The following TBX20 variants were observed in gnomAD, a reference collection of about 807,000 sequenced individuals.
The protein encoded by TBX20 is T-box transcription factor TBX20.
A neutral mutation model predicts 42.9 loss-of-function variants in TBX20; 8 were observed. The observed-to-expected ratio is 0.19, with a 90% CI of 0.11 to 0.34. The LOEUF is 0.34. TBX20 is among the 10% of genes least tolerant of loss of function. The pLI, the probability that TBX20 is intolerant of heterozygous loss-of-function variation, is 1.00. For synonymous variants in TBX20, 198 were observed against 222.8 expected (o/e 0.89, Z 0.99); for missense variants, 411 against 566.0 (o/e 0.73, Z 2.78).
intron 1 of TBX20, 150 bp from the exon 2 acceptor site, chr7:35,250,353 C>CCCT: frequency 1.0e-6 from 1 of 984,000 alleles, no homozygotes; most frequent in Non-Finnish European, 1.6e-6. Flanking sequence ...GACCCATCAT[C>CCCT]ACTGTATAAA....
intron 5 of TBX20, among the ~76,000 whole-genome samples, chr7:35,239,237 A>G (rs910422704): frequency 2.6e-5 from 4 of 152,138 alleles, no homozygotes; most frequent in African/African-American, 9.7e-5. Context: ...CTGTGATGTC[A>G]GCTTCATCTT....
At chr7:35,212,222 A>G (rs1789508734) in intron 6 of TBX20, among the ~76,000 whole-genome samples, 1 of 152,014 alleles carries the variant, frequency 6.6e-6, no homozygotes, top group Admixed American at 6.6e-5. Flanking sequence ...CATCCAGTAT[A>G]TTTTTCATTT....
chr7:35,243,855 T>C (rs1293187233), intron 4 of TBX20, among the ~76,000 whole-genome samples: 2 of 152,214 alleles, frequency 1.3e-5, no homozygotes, highest in African/African-American at 2.4e-5. Flanking sequence ...CCTGACTTGG[T>C]TGTAATAAAC....
intron 5 of TBX20, among the ~76,000 whole-genome samples, chr7:35,235,616 G>C (rs1336685937): frequency 6.6e-6 from 1 of 152,204 alleles, no homozygotes; most frequent in Non-Finnish European, 1.5e-5. Context: ...CTACTGTTTA[G>C]TGTGGGTCTA....
intron 6 of TBX20, among the ~76,000 whole-genome samples, chr7:35,211,810 G>T (rs1050765031): frequency 5.3e-5 from 8 of 151,954 alleles, no homozygotes; most frequent in African/African-American, 1.9e-4. Context: ...CCTTATCTTT[G>T]TTCCTCTTAT....
chr7:35,202,822 CA>C (rs1789328380), intron 7 of TBX20, 52 bp from the exon 8 acceptor site: 1 of 1,515,106 alleles, frequency 6.6e-7, no homozygotes, highest in African/African-American at 1.4e-5. Context: ...ATGTACAGAT[CA>C]AGAATTAAAT....
intron 6 of TBX20, among the ~76,000 whole-genome samples, chr7:35,209,465 T>C (rs1789457605): frequency 6.6e-6 from 1 of 152,202 alleles, no homozygotes; most frequent in African/African-American, 2.4e-5. Flanking sequence ...ATTCATAATA[T>C]TCCTTTATTA....
intron 6 of TBX20, among the ~76,000 whole-genome samples, chr7:35,220,054 C>T (rs541644319): frequency 6.6e-6 from 1 of 152,224 alleles, no homozygotes; most frequent in African/African-American, 2.4e-5. Flanking sequence ...ACAAGAGAAA[C>T]TCAAGAAATG....
chr7:35,247,994 T>TG lies in TBX20; in HGVS notation c.545+682dup, dbSNP rs1400845220. On this transcript the variant is annotated intron_variant, in intron 3 of 7. Transcript: ENST00000408931. ...TGTGCTTTTTTAAGGATGGTACTCC[T>TG]GGAAAAACTGTATTATTAGCAATGA... Among the ~76,000 whole-genome samples, 4 of 152,308 alleles carry TG rather than the reference T, an allele frequency of 2.6e-5. No homozygotes were observed. In the East Asian group the frequency reaches 7.7e-4, roughly 29 times the overall value.
chr7:35,216,239 A>C (rs931672545), intron 6 of TBX20, among the ~76,000 whole-genome samples: 2 of 152,130 alleles, frequency 1.3e-5, no homozygotes, highest in Non-Finnish European at 2.9e-5. Flanking sequence ...TTTCTGTCTC[A>C]GTAGGTCTGG....
intron 3 of TBX20, among the ~76,000 whole-genome samples, chr7:35,248,364 C>T (rs1790234239): frequency 1.3e-5 from 2 of 152,144 alleles, no homozygotes; most frequent in South Asian, 2.1e-4. Context: ...GAGAGGATGT[C>T]TATATTTATA....
At chr7:35,226,818 C>T (rs1007313760) in intron 6 of TBX20, among the ~76,000 whole-genome samples, 2 of 151,696 alleles carry the variant, frequency 1.3e-5, no homozygotes, top group Non-Finnish European at 2.9e-5. Context: ...ACGTACTATG[C>T]TATAATTTTT....
chr7:35,250,009 C>G lies in TBX20; in HGVS notation c.322G>C (p.Glu108Gln), dbSNP rs758302449. 2 of 1,613,778 alleles carry G rather than the reference C, an allele frequency of 1.2e-6. No homozygotes were observed. Among genetic ancestry groups the G allele is most frequent in the South Asian group, 2.2e-5 (2 of 91,044 alleles). The change falls in exon 2 of 8, where the codon GAG becomes CAG. Residue 108 changes from glutamate (E) to glutamine (Q), a missense_variant. Physicochemically the swap from Glu to Gln is conservative, Grantham distance 29. Around this residue, in one of 5 missense-constraint regions of TBX20, gnomAD observed 12 missense variants for 41.4 expected, o/e 0.29. Coordinates refer to ENST00000408931, the MANE Select transcript of TBX20 (RefSeq NM_001077653.2). Reference sequence around the variant, plus strand: ...AGCTCATGGAATTTGTCCCAAAGCTCCTTGGTCTCCAGGCTGCAGGCAATT... The same window carrying G: ...AGCTCATGGAATTTGTCCCAAAGCTGCTTGGTCTCCAGGCTGCAGGCAATT... ...AKIACSLETK[E>Q]LWDKFHELGT...
Position 35,248,942 on chromosome 7 carries a change from T to G in TBX20, c.381-101A>C, listed in dbSNP as rs544181036. On this transcript the variant is annotated intron_variant, in intron 2 of 7. Transcript: ENST00000408931. ...GGGAGGGAGGGAAGGAGGGAAAGGG[T>G]CTGACTCCCCTCTCTATCCGGTCCA... 286 of 1,401,146 alleles carry G rather than the reference T, an allele frequency of 2.0e-4. 3 individuals carry two copies. The South Asian group carries it at 2.6e-3, about 13-fold the overall frequency. The allele number at this position is 1,401,146 out of a possible 1,614,324, so 86.8% of individuals were successfully genotyped here. A position where few individuals can be genotyped will look rare whatever the true frequency, so the allele number is the denominator to read the frequency against.
chr7:35,203,757 G>A (rs185281259), intron 7 of TBX20, among the ~76,000 whole-genome samples: 31 of 152,326 alleles, frequency 2.0e-4, no homozygotes, highest in Admixed American at 1.4e-3. Context: ...AATACTAGTG[G>A]TTCACTTGGA....
intron 7 of TBX20, among the ~76,000 whole-genome samples, chr7:35,203,738 G>C (rs1584337434): frequency 3.9e-5 from 6 of 152,352 alleles, no homozygotes; most frequent in African/African-American, 1.4e-4. Context: ...TTGTTCAAGA[G>C]TCAACTGTAA....
In TBX20 at chr7:35,204,554, G is replaced by T. The variant is rs1453975162; in HGVS notation, c.919C>A (p.His307Asn). The T allele has an allele frequency of 1.2e-6, 2 of 1,613,882 alleles. No individual in the cohort carries two copies. The highest frequency in any genetic ancestry group is 2.7e-5 in the African/African-American group (2 of 74,910). ...RESVESLIQK[H>N]SYARSPIRTY... ...CGGATGGGTGAGCGTGCATAGGAAT[G>T]CTTTTGAATCAGGCTCTCCACACTT... The change falls in exon 7 of 8, where the codon CAT becomes AAT. Residue 307 changes from histidine to asparagine, a missense_variant. Around this residue, in one of 5 missense-constraint regions of TBX20, gnomAD observed 162 missense variants for 205.4 expected, o/e 0.79. Transcript: ENST00000408931.
intron 5 of TBX20, among the ~76,000 whole-genome samples, chr7:35,237,825 T>C (rs1252555267): frequency 1.3e-5 from 2 of 151,894 alleles, no homozygotes; most frequent in Non-Finnish European, 2.9e-5. Context: ...ATCATCATCG[T>C]GTTACACTTG....
intron 5 of TBX20, among the ~76,000 whole-genome samples, chr7:35,231,965 C>T (rs374041660): frequency 1.3e-5 from 2 of 152,152 alleles, no homozygotes; most frequent in African/African-American, 2.4e-5. Context: ...ATTCCAGCAT[C>T]GGTAGAGAAT....
Sources: gnomAD v4.1 joint callset for allele counts (sites outside exome capture counted in the v4.1 genomes callset) on GRCh38, gnomAD v4.1.1 for gene constraint, gnomAD v4.1.1 regional missense constraint, MANE v1.5 for transcripts, NCBI Gene and HGNC (gene_info 2026-07-23, HGNC 2026-07-21) for gene names.